Variants in CCSER1 observed in about 807,000 individuals in gnomAD.
CCSER1 encodes the protein serine-rich coiled-coil domain-containing protein 1.
In CCSER1, 41 loss-of-function variants were observed where a neutral mutation model predicts 82.0. That is an observed-to-expected ratio of 0.50 (90% CI 0.39 to 0.65). The LOEUF (loss-of-function observed/expected upper bound fraction) is 0.65. CCSER1 is among the 30% of genes least tolerant of loss of function. The probability of loss-of-function intolerance (pLI) is 0.00; values close to 1 mark genes in which losing one functional copy is unlikely to be tolerated. For missense variants in CCSER1, 1,119 were observed against 1,064.2 expected (o/e 1.05, Z -0.72); for synonymous variants, 414 against 383.9 (o/e 1.08, Z -0.92).
intron 10 of CCSER1, among the ~76,000 whole-genome samples, chr4:91,581,250 A>T (rs1763713844): frequency 6.6e-6 from 1 of 151,880 alleles, no homozygotes; most frequent in South Asian, 2.1e-4. Flanking sequence ...CACCAGCGAT[A>T]TTAGATAAGC....
chr4:90,313,132 C>A, intron 3 of CCSER1, 85 bp downstream of exon 3: 1 of 1,108,218 alleles, frequency 9.0e-7, no homozygotes, highest in Non-Finnish European at 1.3e-6. Context: ...TGAACACAGA[C>A]TACAGGATAG....
At chr4:90,576,500 G>A (rs1780787459) in intron 5 of CCSER1, among the ~76,000 whole-genome samples, 1 of 152,042 alleles carries the variant, frequency 6.6e-6, no homozygotes, top group African/African-American at 2.4e-5. Context: ...CTTCAACTAT[G>A]AATCTTCTTT....
chr4:91,592,301 A>G (rs570223941), intron 10 of CCSER1, among the ~76,000 whole-genome samples: 2 of 152,290 alleles, frequency 1.3e-5, no homozygotes, highest in Non-Finnish European at 2.9e-5. Flanking sequence ...ATTCACTGCC[A>G]TGAGAATAGC....
At chr4:90,604,343 C>T (rs1784369253) in intron 5 of CCSER1, among the ~76,000 whole-genome samples, 1 of 152,012 alleles carries the variant, frequency 6.6e-6, no homozygotes, top group Non-Finnish European at 1.5e-5. Context: ...GGAGAGAATA[C>T]AGACTCTGGA....
At chr4:90,800,653 G>T (rs1756681617) in intron 7 of CCSER1, among the ~76,000 whole-genome samples, 1 of 152,160 alleles carries the variant, frequency 6.6e-6, no homozygotes, top group South Asian at 2.1e-4. Flanking sequence ...TTTCTGTTAA[G>T]AAGCTCATTG....
chr4:91,258,556 C>A (rs1740870179), intron 10 of CCSER1, among the ~76,000 whole-genome samples: 1 of 151,990 alleles, frequency 6.6e-6, no homozygotes, highest in African/African-American at 2.4e-5. Context: ...ATTGTCACTG[C>A]AATTCTGTGA....
At chr4:90,697,675 T>C (rs561206589) in intron 6 of CCSER1, among the ~76,000 whole-genome samples, 5 of 152,204 alleles carry the variant, frequency 3.3e-5, no homozygotes, top group Non-Finnish European at 5.9e-5. Context: ...TCATTTAACA[T>C]AATGATTCTG....
intron 5 of CCSER1, among the ~76,000 whole-genome samples, chr4:90,565,993 GACTACAGGC>G (rs1560729382): frequency 6.6e-6 from 1 of 151,090 alleles, no homozygotes; most frequent in Non-Finnish European, 1.5e-5. Context: ...TAGTAGCTGG[GACTACAGGC>G]ACATGCCACC....
rs544063150 is a variant in CCSER1 at position 91,581,927 on chromosome 4, C to T, written c.2218-16645C>T. Among the ~76,000 whole-genome samples the T allele has an allele frequency of 1.2e-4, 18 of 151,578 alleles. 1 individual carries two copies. The South Asian group carries it at 3.3e-3, about 28-fold the overall frequency. ...CCCTAGTTGAGAACCACTGATTTAC[C>T]GTATTAATTATTTTTACTTGATTCA... is the stretch of plus-strand genomic sequence containing the variant. On this transcript the variant is annotated intron_variant, in intron 10 of 10. Coordinates refer to ENST00000509176, the MANE Select transcript of CCSER1 (RefSeq NM_001145065.2).
At chr4:90,569,183 A>G in intron 5 of CCSER1, among the ~76,000 whole-genome samples, 1 of 152,128 alleles carries the variant, frequency 6.6e-6, no homozygotes, top group East Asian at 1.9e-4. Context: ...ATAACTGGTT[A>G]TGTAAAGCTG....
At chr4:90,779,364 G>T (rs1362232580) in intron 7 of CCSER1, among the ~76,000 whole-genome samples, 2 of 151,696 alleles carry the variant, frequency 1.3e-5, no homozygotes, top group Non-Finnish European at 2.9e-5. Context: ...ACTGGGCTAG[G>T]TTTTCCTGGA....
intron 9 of CCSER1, among the ~76,000 whole-genome samples, chr4:91,050,174 T>A (rs1396963701): frequency 6.6e-6 from 1 of 152,208 alleles, no homozygotes; most frequent in Non-Finnish European, 1.5e-5. Flanking sequence ...CTCCAGCCTG[T>A]AGTCTCAGCA....
At chr4:91,064,994 A>G (rs181633902) in intron 9 of CCSER1, among the ~76,000 whole-genome samples, 37 of 152,264 alleles carry the variant, frequency 2.4e-4, no homozygotes, top group Middle Eastern at 6.8e-3. Context: ...TAAGTACAGT[A>G]AAAAATCAAG....
Position 90,573,981 on chromosome 4 carries a change from G to A in CCSER1, c.1725-54044G>A, listed in dbSNP as rs151021963. On this transcript the variant is annotated intron_variant, in intron 5 of 10. Coordinates refer to ENST00000509176, the MANE Select transcript of CCSER1 (RefSeq NM_001145065.2). ...TCTTTTTTGCTGACATTCTGTGTAC[G>A]ACACAGTATGTTATACTATGGAGTG... is the stretch of plus-strand genomic sequence containing the variant. Among the ~76,000 whole-genome samples, 316 of 150,372 alleles carry A rather than the reference G, an allele frequency of 2.1e-3. 1 individual carries two copies. Among genetic ancestry groups the A allele is most frequent in the African/African-American group, 7.5e-3 (309 of 41,074 alleles).
chr4:90,821,338 A>T (rs1384063201), intron 8 of CCSER1, among the ~76,000 whole-genome samples: 1 of 152,222 alleles, frequency 6.6e-6, no homozygotes. Flanking sequence ...TATGACATAC[A>T]CCTCAGTGAG....
At chr4:91,143,579 G>A (rs913245492) in intron 10 of CCSER1, among the ~76,000 whole-genome samples, 2 of 152,000 alleles carry the variant, frequency 1.3e-5, no homozygotes, top group African/African-American at 2.4e-5. Context: ...TCTAGCTTTT[G>A]CCCATTCAGT....
chr4:90,723,129 T>C (rs1742974837), intron 6 of CCSER1, among the ~76,000 whole-genome samples: 1 of 151,974 alleles, frequency 6.6e-6, no homozygotes, highest in Non-Finnish European at 1.5e-5. Context: ...TCTGAGAGAC[T>C]GTGTTAAGAA....
At chr4:90,390,391 A>G (rs1009744334) in intron 3 of CCSER1, among the ~76,000 whole-genome samples, 1 of 152,214 alleles carries the variant, frequency 6.6e-6, no homozygotes, top group Non-Finnish European at 1.5e-5. Context: ...TCACCCAGGT[A>G]GGTAGCATTG....
chr4:91,416,936 A>C (rs1231174989), intron 10 of CCSER1, among the ~76,000 whole-genome samples: 1 of 152,202 alleles, frequency 6.6e-6, no homozygotes, highest in Non-Finnish European at 1.5e-5. Context: ...AATGGGAGAA[A>C]ATTTTTGCAA....
Sources: allele counts gnomAD v4.1 joint callset (sites outside exome capture counted in the v4.1 genomes callset), GRCh38; gene constraint gnomAD v4.1.1; transcripts MANE v1.5; gene names NCBI Gene and HGNC (gene_info 2026-07-23, HGNC 2026-07-21).